The following NCK2 variants were observed in gnomAD, a reference collection of about 807,000 sequenced individuals.
The protein encoded by NCK2 is NCK adaptor protein 2.
NCK2 carries 16 observed loss-of-function variants against 33.9 expected under a neutral mutation model. That is an observed-to-expected ratio of 0.47 (90% CI 0.32 to 0.72). The LOEUF is 0.72. NCK2 is among the 30% of genes least tolerant of loss of function. The pLI is 0.03. For synonymous variants in NCK2, 273 were observed against 239.9 expected (o/e 1.14, Z -1.27); for missense variants, 418 against 537.3 (o/e 0.78, Z 2.19).
In NCK2 at chr2:105,758,624, G is replaced by A. The variant is rs148703117; in HGVS notation, c.-201+13486G>A. ...GGGGTTTCACCATATTGGCCAGGCTGGTCTTGAACTCCTGACCTTGTGATC... is the reference window on the plus strand; with the variant it reads ...GGGGTTTCACCATATTGGCCAGGCTAGTCTTGAACTCCTGACCTTGTGATC... On this transcript the variant is annotated intron_variant, in intron 1 of 4. Coordinates refer to ENST00000233154, the MANE Select transcript of NCK2 (RefSeq NM_003581.5). Among the ~76,000 whole-genome samples, 993 of 152,006 alleles carry A rather than the reference G, an allele frequency of 6.5e-3. 12 individuals are homozygous for A. The highest frequency in any genetic ancestry group is 0.023 in the African/African-American group (950 of 41,460).
upstream of NCK2, among the ~76,000 whole-genome samples, chr2:105,744,513 C>G (rs932184721): frequency 6.6e-6 from 1 of 152,272 alleles, no homozygotes; most frequent in African/African-American, 2.4e-5. Flanking sequence ...GGCAGTCATC[C>G]CAGGCTGGAA....
intron 1 of NCK2, among the ~76,000 whole-genome samples, chr2:105,784,649 A>C (rs116037222): frequency 0.019 from 2,856 of 152,350 alleles, 52 homozygotes; most frequent in Non-Finnish European, 0.022. Context: ...TTAGGCAGGC[A>C]GTTACAAATG....
chr2:105,892,232 G>T (rs558469733), intron 4 of NCK2, among the ~76,000 whole-genome samples: 4 of 152,048 alleles, frequency 2.6e-5, no homozygotes, highest in South Asian at 4.2e-4. Context: ...TTTCTAATAG[G>T]GTTAGACATC....
intron 1 of NCK2, among the ~76,000 whole-genome samples, chr2:105,796,040 A>G (rs1691071966): frequency 6.6e-6 from 1 of 152,252 alleles, no homozygotes; most frequent in Admixed American, 6.5e-5. Context: ...GGTATAAATC[A>G]TATGTGCAGT....
At chr2:105,792,603 G>T (rs1378126073) in intron 1 of NCK2, among the ~76,000 whole-genome samples, 4 of 146,850 alleles carry the variant, frequency 2.7e-5, no homozygotes, top group Middle Eastern at 3.6e-3. Context: ...AAACTCGTTT[G>T]TTTTTTTTTT....
chr2:105,808,575 G>T (rs972431337), intron 1 of NCK2, among the ~76,000 whole-genome samples: 4 of 152,200 alleles, frequency 2.6e-5, no homozygotes, highest in African/African-American at 4.8e-5. Flanking sequence ...TACTACAAAT[G>T]CCAGGGCTGG....
chr2:105,788,544 A>T (rs899524276), intron 1 of NCK2, among the ~76,000 whole-genome samples: 2 of 152,138 alleles, frequency 1.3e-5, no homozygotes, highest in Non-Finnish European at 2.9e-5. Flanking sequence ...TATATTTTTG[A>T]TATTTAACAT....
At chr2:105,869,057 A>G (rs1044065218) in intron 3 of NCK2, among the ~76,000 whole-genome samples, 14 of 152,330 alleles carry the variant, frequency 9.2e-5, no homozygotes, top group African/African-American at 3.4e-4. Flanking sequence ...CATACGATCC[A>G]GCCCCGCTGC....
At chr2:105,758,644 G>A (rs1326423749) in intron 1 of NCK2, among the ~76,000 whole-genome samples, 1 of 151,882 alleles carries the variant, frequency 6.6e-6, no homozygotes, top group African/African-American at 2.4e-5. Context: ...TCCTGACCTT[G>A]TGATCCACCC....
intron 2 of NCK2, among the ~76,000 whole-genome samples, chr2:105,853,310 A>T (rs1010298116): frequency 6.6e-6 from 1 of 152,226 alleles, no homozygotes; most frequent in African/African-American, 2.4e-5. Context: ...TTATTCAGCC[A>T]CACTTTTGCT....
At chr2:105,865,515 C>T (rs773853198) in intron 3 of NCK2, among the ~76,000 whole-genome samples, 9 of 152,272 alleles carry the variant, frequency 5.9e-5, no homozygotes, top group Middle Eastern at 3.4e-3. Context: ...CCCACCCACA[C>T]GACTGTTGAG....
At chr2:105,771,517 A>G (rs767266233) in intron 1 of NCK2, among the ~76,000 whole-genome samples, 1 of 152,142 alleles carries the variant, frequency 6.6e-6, no homozygotes, top group Non-Finnish European at 1.5e-5. Context: ...GTAAGCCGAG[A>G]TTGGGCCACT....
chr2:105,856,085 T>C (rs1487286530), intron 3 of NCK2, among the ~76,000 whole-genome samples: 2 of 151,942 alleles, frequency 1.3e-5, no homozygotes, highest in Admixed American at 6.6e-5. Flanking sequence ...CCGCCCACCT[T>C]GGCCTCCCAA....
intron 1 of NCK2, among the ~76,000 whole-genome samples, chr2:105,794,695 TTTTATTTA>T (rs72401438): frequency 1.8e-4 from 26 of 148,218 alleles, no homozygotes; most frequent in East Asian, 1.0e-3. Flanking sequence ...TAGTTTATTA[TTTTATTTA>T]TTTATTTATT....
chr2:105,778,816 G>C (rs1229620047), intron 1 of NCK2, among the ~76,000 whole-genome samples: 1 of 152,030 alleles, frequency 6.6e-6, no homozygotes, highest in African/African-American at 2.4e-5. Context: ...TCAAACTTCT[G>C]GGTTCCAGTG....
intron 1 of NCK2, among the ~76,000 whole-genome samples, chr2:105,809,180 G>T (rs1675199943): frequency 6.6e-6 from 1 of 152,124 alleles, no homozygotes; most frequent in Admixed American, 6.6e-5. Flanking sequence ...TGGGTCACCT[G>T]GTGGTTTTGA....
intron 2 of NCK2, among the ~76,000 whole-genome samples, chr2:105,817,444 G>A (rs959118298): frequency 5.3e-5 from 8 of 152,114 alleles, no homozygotes; most frequent in African/African-American, 1.4e-4. Context: ...CAGTTAATCC[G>A]GTGTTCTCTT....
chr2:105,836,101 G>C (rs1172115822), intron 2 of NCK2, among the ~76,000 whole-genome samples: 2 of 149,214 alleles, frequency 1.3e-5, no homozygotes, highest in East Asian at 3.9e-4. Context: ...TTCTTTTTTA[G>C]GCATTTTATG....
chr2:105,836,517 T>G (rs1435955569), intron 2 of NCK2, among the ~76,000 whole-genome samples: 1 of 152,174 alleles, frequency 6.6e-6, no homozygotes, highest in East Asian at 1.9e-4. Context: ...TGTGGCAGCT[T>G]ACTGCTGGAG....
Sources: gnomAD v4.1 joint callset for allele counts (sites outside exome capture counted in the v4.1 genomes callset) on GRCh38, gnomAD v4.1.1 for gene constraint, MANE v1.5 for transcripts, NCBI Gene and HGNC (gene_info 2026-07-23, HGNC 2026-07-21) for gene names.